The following MACROD2 variants were observed in gnomAD, a reference collection of about 807,000 sequenced individuals.
The protein encoded by MACROD2 is mono-ADP ribosylhydrolase 2, also known as ADP-ribose glycohydrolase MACROD2.
Under a neutral mutation model 70.4 loss-of-function variants are expected in MACROD2, and 36 were observed. That is an observed-to-expected ratio of 0.51 (90% CI 0.39 to 0.68). MACROD2 has a LOEUF of 0.68. Among genes scored for constraint, MACROD2 ranks in the 30% least tolerant of loss-of-function variants. MACROD2 has a pLI of 0.00. For missense variants in MACROD2, 496 were observed against 538.4 expected (o/e 0.92, Z 0.78); for synonymous variants, 172 against 178.8 (o/e 0.96, Z 0.30).
At chr20:15,858,733 A>C in intron 8 of MACROD2, among the ~76,000 whole-genome samples, 1 of 152,162 alleles carries the variant, frequency 6.6e-6, no homozygotes, top group South Asian at 2.1e-4. Flanking sequence ...TTGGATCCAT[A>C]TTGTCTCTCT....
intron 5 of MACROD2, among the ~76,000 whole-genome samples, chr20:15,035,260 C>T (rs374867519): frequency 5.3e-5 from 8 of 151,896 alleles, no homozygotes; most frequent in African/African-American, 1.9e-4. Flanking sequence ...AATAAATAAC[C>T]GGATGTGGTG....
chr20:14,273,568 C>T (rs1187601546), intron 3 of MACROD2, among the ~76,000 whole-genome samples: 3 of 146,554 alleles, frequency 2.0e-5, no homozygotes, highest in Non-Finnish European at 3.0e-5. Flanking sequence ...GACACCCTAA[C>T]ATCACAATTA....
intron 6 of MACROD2, among the ~76,000 whole-genome samples, chr20:15,300,176 T>G (rs890208015): frequency 1.3e-5 from 2 of 152,172 alleles, no homozygotes; most frequent in Non-Finnish European, 2.9e-5. Flanking sequence ...TAATGTAGCT[T>G]AAGACCTTGG....
intron 5 of MACROD2, among the ~76,000 whole-genome samples, chr20:14,780,430 C>T (rs1006755466): frequency 6.6e-6 from 1 of 151,804 alleles, no homozygotes; most frequent in African/African-American, 2.4e-5. Context: ...GGCGTGGTGA[C>T]GCATGCCGGT....
At chr20:15,996,243 A>G (rs770271175) in intron 15 of MACROD2, among the ~76,000 whole-genome samples, 8 of 151,968 alleles carry the variant, frequency 5.3e-5, no homozygotes, top group African/African-American at 1.2e-4. Flanking sequence ...TTGATTTCCA[A>G]TTCCCTGATG....
intron 8 of MACROD2, among the ~76,000 whole-genome samples, chr20:15,848,227 C>A (rs1196538575): frequency 6.6e-6 from 1 of 152,076 alleles, no homozygotes. Context: ...CTCTCCCATG[C>A]AAATGTACCA....
At chr20:14,085,070 A>AG (rs11462944) in intron 2 of MACROD2, among the ~76,000 whole-genome samples, 137,335 of 137,338 alleles carry the variant, frequency 1, 68,666 homozygotes, top group Middle Eastern at 1. Context: ...GGCTGAGGGC[A>AG]GAGAATCTAT....
intron 6 of MACROD2, among the ~76,000 whole-genome samples, chr20:15,247,602 G>T (rs918605539): frequency 6.6e-6 from 1 of 152,118 alleles, no homozygotes; most frequent in African/African-American, 2.4e-5. Flanking sequence ...CCTAGGCTGC[G>T]AAACCCTGAA....
chr20:14,377,967 G>GT (rs1176702893), intron 3 of MACROD2, among the ~76,000 whole-genome samples: 2 of 152,168 alleles, frequency 1.3e-5, no homozygotes, highest in Admixed American at 1.3e-4. Context: ...AGTCCATGAT[G>GT]TGCATTCATA....
intron 6 of MACROD2, among the ~76,000 whole-genome samples, chr20:15,257,102 G>T (rs1296729786): frequency 6.6e-6 from 1 of 151,928 alleles, no homozygotes; most frequent in Non-Finnish European, 1.5e-5. Context: ...CTGGATTACG[G>T]TGTGGATATT....
chr20:15,581,722 T>A (rs933766727), intron 8 of MACROD2, among the ~76,000 whole-genome samples: 3 of 152,198 alleles, frequency 2.0e-5, no homozygotes. Flanking sequence ...GAGGGGCCTG[T>A]GGAGCTGAGA....
intron 8 of MACROD2, among the ~76,000 whole-genome samples, chr20:15,672,184 T>C (rs1392786270): frequency 6.6e-6 from 1 of 152,150 alleles, no homozygotes; most frequent in Non-Finnish European, 1.5e-5. Context: ...TCTGCACAGA[T>C]GAAATAATAG....
At chr20:14,655,416 T>G (rs1458853172) in intron 4 of MACROD2, among the ~76,000 whole-genome samples, 1 of 151,948 alleles carries the variant, frequency 6.6e-6, no homozygotes, top group East Asian at 1.9e-4. Context: ...GTTGTTCATT[T>G]GTTAACAGTT....
At chr20:15,020,636 T>C (rs747181522) in intron 5 of MACROD2, among the ~76,000 whole-genome samples, 58 of 152,198 alleles carry the variant, frequency 3.8e-4, no homozygotes, top group Non-Finnish European at 2.9e-4. Flanking sequence ...CAAACCTACA[T>C]GGTATAGCCT....
chr20:14,633,565 A>G (rs768896635), intron 4 of MACROD2, among the ~76,000 whole-genome samples: 52 of 148,700 alleles, frequency 3.5e-4, no homozygotes, highest in Non-Finnish European at 5.5e-4. Flanking sequence ...CTAAATTCAA[A>G]TAAACTTAAA....
intron 5 of MACROD2, among the ~76,000 whole-genome samples, chr20:14,694,972 T>C (rs755281539): frequency 6.6e-6 from 1 of 152,164 alleles, no homozygotes; most frequent in Non-Finnish European, 1.5e-5. Context: ...GACTCCCTTC[T>C]AGCAAACGGA....
At chr20:15,258,121 A>G (rs1352786542) in intron 6 of MACROD2, among the ~76,000 whole-genome samples, 1 of 152,108 alleles carries the variant, frequency 6.6e-6, no homozygotes, top group African/African-American at 2.4e-5. Flanking sequence ...ACAACATACA[A>G]TGTCTTTGTG....
intron 5 of MACROD2, among the ~76,000 whole-genome samples, chr20:15,210,552 G>GTTTTTTTTTTTTTTTTTTTTGTTTTTTTT (rs11333280): frequency 5.8e-5 from 7 of 121,616 alleles, no homozygotes; most frequent in Non-Finnish European, 6.7e-5. Flanking sequence ...CTTTTCTTCT[G>GTTTTTTTTTTTTTTTTTTTTGTTTTTTTT]TTTTTTTTTT....
chr20:14,761,517 C>T (rs2072015487), intron 5 of MACROD2, among the ~76,000 whole-genome samples: 1 of 152,114 alleles, frequency 6.6e-6, no homozygotes, highest in African/African-American at 2.4e-5. Context: ...ACTGCCCCTT[C>T]CTTCAAAGTA....
Sources: allele counts gnomAD v4.1 joint callset (sites outside exome capture counted in the v4.1 genomes callset), GRCh38; gene constraint gnomAD v4.1.1; transcripts MANE v1.5; gene names NCBI Gene and HGNC (gene_info 2026-07-23, HGNC 2026-07-21).